EVA1A: variants seen among roughly 807,000 people sequenced by gnomAD.
EVA1A encodes eva-1 homolog A, regulator of programmed cell death, also known as protein eva-1 homolog A.
EVA1A carries 7 observed loss-of-function variants against 9.8 expected under a neutral mutation model. That is an observed-to-expected ratio of 0.71 (90% CI 0.41 to 1.34). The LOEUF is 1.34. EVA1A is among the 40% of genes most tolerant of loss of function. EVA1A has a pLI of 0.01. For synonymous variants in EVA1A, 90 were observed against 85.6 expected, an observed-to-expected ratio of 1.05 and a Z score of -0.28; for missense variants, 206 against 205.9, an observed-to-expected ratio of 1.00 and a Z score of 0.00.
At chr2:75,532,814 T>C (rs893014328) in intron 1 of EVA1A, among the ~76,000 whole-genome samples, 19 of 152,176 alleles carry the variant, frequency 1.2e-4, no homozygotes, top group Admixed American at 2.6e-4. Context: ...AAGAAATCCA[T>C]GTGAAGACAC....
intron 2 of EVA1A, 74 bp from the exon 3 acceptor site, chr2:75,518,282 C>G: frequency 7.2e-7 from 1 of 1,396,266 alleles, no homozygotes; most frequent in Non-Finnish European, 9.5e-7. Flanking sequence ...AGCCTGGACT[C>G]CTAAAGACAT....
intron 1 of EVA1A, among the ~76,000 whole-genome samples, chr2:75,536,697 A>G (rs1351625716): frequency 2.0e-5 from 3 of 152,356 alleles, no homozygotes; most frequent in Admixed American, 1.3e-4. Context: ...AAGTTTGACA[A>G]TTCAGACAAA....
intron 3 of EVA1A, among the ~76,000 whole-genome samples, chr2:75,496,683 AT>A (rs537999519): frequency 8.0e-4 from 122 of 152,332 alleles, no homozygotes; most frequent in African/African-American, 2.9e-3. Context: ...AAAAAAAATG[AT>A]TCTAAAACTC....
At chr2:75,559,546 G>C (rs1254574943) in intron 1 of EVA1A, among the ~76,000 whole-genome samples, 1 of 152,164 alleles carries the variant, frequency 6.6e-6, no homozygotes, top group Non-Finnish European at 1.5e-5. Context: ...GACAAGAAGG[G>C]GATGAATTAA....
intron 1 of EVA1A, among the ~76,000 whole-genome samples, chr2:75,547,319 G>A (rs1260714312): frequency 6.6e-6 from 1 of 152,170 alleles, no homozygotes; most frequent in Non-Finnish European, 1.5e-5. Flanking sequence ...AATGGTACAG[G>A]CTTTGACACC....
intron 1 of EVA1A, among the ~76,000 whole-genome samples, chr2:75,532,488 A>G (rs1675700941): frequency 6.6e-6 from 1 of 152,188 alleles, no homozygotes; most frequent in African/African-American, 2.4e-5. Flanking sequence ...AAAGCTCAAA[A>G]TAAACAGATG....
At chr2:75,514,074 CTG>C (rs1166362252) in intron 3 of EVA1A, among the ~76,000 whole-genome samples, 15 of 152,316 alleles carry the variant, frequency 9.8e-5, no homozygotes, top group African/African-American at 2.6e-4. Context: ...AAAATATAGA[CTG>C]TGAAACAAGA....
At chr2:75,558,950 C>T (rs1225091759) in intron 1 of EVA1A, among the ~76,000 whole-genome samples, 2 of 152,152 alleles carry the variant, frequency 1.3e-5, no homozygotes, top group African/African-American at 2.4e-5. Flanking sequence ...GCAATATAGC[C>T]GCATGACCTG....
rs1676860693 is a variant in EVA1A, at chr2:75,559,844, C to G, written c.-192+836G>C. Reference sequence around the variant, plus strand: ...GGCCCTTTCCTAGCTAGCTGTGTGGCCCCATCTCATTTTGCCCGTTTGTAA... The same window carrying G: ...GGCCCTTTCCTAGCTAGCTGTGTGGGCCCATCTCATTTTGCCCGTTTGTAA... On this transcript the variant is annotated intron_variant, in intron 1 of 3. Coordinates refer to ENST00000393913, the MANE Select transcript of EVA1A (RefSeq NM_001135032.2). Among the ~76,000 whole-genome samples, 3 of 151,996 alleles carry G rather than the reference C, an allele frequency of 2.0e-5. No homozygotes were observed. In the South Asian group the frequency reaches 6.2e-4, roughly 32 times the overall value.
intron 1 of EVA1A, among the ~76,000 whole-genome samples, chr2:75,536,997 T>C (rs771837583): frequency 1.3e-5 from 2 of 151,948 alleles, no homozygotes; most frequent in Non-Finnish European, 2.9e-5. Context: ...CAGACAAAGA[T>C]AGTGCAAAAA....
At chr2:75,529,925 A>G (rs1214081485) in intron 1 of EVA1A, among the ~76,000 whole-genome samples, 1 of 152,230 alleles carries the variant, frequency 6.6e-6, no homozygotes, top group Non-Finnish European at 1.5e-5. Context: ...ATTGAAATAA[A>G]CAAAAAACAA....
intron 3 of EVA1A, among the ~76,000 whole-genome samples, chr2:75,514,348 T>C (rs1367018934): frequency 6.6e-6 from 1 of 152,192 alleles, no homozygotes. Flanking sequence ...CAATATTCTA[T>C]TCTAGGCTGG....
intron 1 of EVA1A, among the ~76,000 whole-genome samples, chr2:75,523,614 C>A (rs1314497572): frequency 1.3e-5 from 2 of 152,224 alleles, no homozygotes; most frequent in African/African-American, 4.8e-5. Context: ...GCCCCATCAA[C>A]CTTCCCCTCC....
At chr2:75,509,352 C>T (rs1386423928) in intron 3 of EVA1A, among the ~76,000 whole-genome samples, 1 of 151,994 alleles carries the variant, frequency 6.6e-6, no homozygotes, top group East Asian at 1.9e-4. Flanking sequence ...GAAAAGATAC[C>T]CGCTACTTAA....
intron 1 of EVA1A, among the ~76,000 whole-genome samples, chr2:75,532,416 A>T (rs572467801): frequency 6.6e-6 from 1 of 152,154 alleles, no homozygotes; most frequent in Non-Finnish European, 1.5e-5. Context: ...TAACAACAAT[A>T]ATAAAAGCCA....
upstream of EVA1A, among the ~76,000 whole-genome samples, chr2:75,563,856 C>A (rs549426823): frequency 4.9e-4 from 74 of 152,276 alleles, no homozygotes; most frequent in African/African-American, 1.7e-3. Flanking sequence ...TTTGAAGGTA[C>A]CGTGTGTGGC....
chr2:75,512,772 T>C (rs566397613), intron 3 of EVA1A, among the ~76,000 whole-genome samples: 2 of 152,222 alleles, frequency 1.3e-5, no homozygotes, highest in Admixed American at 6.5e-5. Flanking sequence ...TTGCAGGAGA[T>C]TGTCCTGTGC....
rs1675230586 is a variant in EVA1A, at chr2:75,521,576, G to C, written c.-69+789C>G. Reference sequence around the variant, plus strand: ...TAAGTGAAATAAGCCAGTCAAAAAGGACAGGTATTATATGATTCCACATGT... The same window carrying C: ...TAAGTGAAATAAGCCAGTCAAAAAGCACAGGTATTATATGATTCCACATGT... On this transcript the variant is annotated intron_variant, in intron 2 of 3. Transcript: ENST00000393913. 2.0e-5 allele frequency among the ~76,000 whole-genome samples: 3 copies of C among 152,194 alleles called. No individual in the cohort carries two copies. The South Asian group carries it at 6.2e-4, about 32-fold the overall frequency.
intron 1 of EVA1A, among the ~76,000 whole-genome samples, chr2:75,548,398 G>A (rs945483584): frequency 4.6e-5 from 7 of 152,160 alleles, no homozygotes; most frequent in Non-Finnish European, 1.0e-4. Context: ...ACCTCCCACA[G>A]TGCTGAGATT....
Sources: allele counts gnomAD v4.1 joint callset (sites outside exome capture counted in the v4.1 genomes callset), GRCh38; gene constraint gnomAD v4.1.1; transcripts MANE v1.5; gene names NCBI Gene and HGNC (gene_info 2026-07-23, HGNC 2026-07-21).